The following CREB3L1 variants were observed in gnomAD, a reference collection of about 807,000 sequenced individuals.
CREB3L1 encodes the protein cyclic AMP-responsive element-binding protein 3-like protein 1.
Under a neutral mutation model 54.5 loss-of-function variants are expected in CREB3L1, and 33 were observed. The observed-to-expected ratio is 0.61, with a 90% CI of 0.46 to 0.81. CREB3L1 has a LOEUF of 0.81. Ranked by LOEUF, CREB3L1 falls within the 30% of genes least tolerant of loss-of-function variation. The pLI is 0.00. For missense variants in CREB3L1, 656 were observed against 673.3 expected (o/e 0.97, Z 0.29); for synonymous variants, 284 against 286.4 (o/e 0.99, Z 0.08).
At chr11:46,310,175 C>A in intron 4 of CREB3L1, 108 bp downstream of exon 4, 1 of 771,274 alleles carries the variant, frequency 1.3e-6, no homozygotes, top group Non-Finnish European at 2.2e-6. Context: ...TTCCCCCACC[C>A]AGAATATCCT....
intron 1 of CREB3L1, among the ~76,000 whole-genome samples, chr11:46,279,870 T>TC (rs1938940338): frequency 6.6e-6 from 1 of 152,200 alleles, no homozygotes; most frequent in Non-Finnish European, 1.5e-5. Flanking sequence ...GCCCGAAGCC[T>TC]CTTCCTGCTG....
intron 8 of CREB3L1, chr11:46,316,012 G>C: frequency 5.2e-6 from 2 of 388,024 alleles, no homozygotes; most frequent in Non-Finnish European, 9.4e-6. Context: ...TGTGCAGCTG[G>C]GGGCAGGCCT....
chr11:46,313,477 A>G (rs887577020), intron 8 of CREB3L1, among the ~76,000 whole-genome samples: 1 of 152,146 alleles, frequency 6.6e-6, no homozygotes, highest in Non-Finnish European at 1.5e-5. Flanking sequence ...ATTTGAGGTT[A>G]GGAGTTCGAG....
intron 2 of CREB3L1, among the ~76,000 whole-genome samples, chr11:46,303,869 G>A (rs1939336691): frequency 1.3e-5 from 2 of 152,058 alleles, no homozygotes; most frequent in South Asian, 2.1e-4. Context: ...AGCCAGGCAT[G>A]GTGGCACATG....
At chr11:46,318,961 A>G (rs1466669675) in intron 10 of CREB3L1, among the ~76,000 whole-genome samples, 1 of 152,100 alleles carries the variant, frequency 6.6e-6, no homozygotes, top group African/African-American at 2.4e-5. Flanking sequence ...GCTGAGGAGG[A>G]GAGAACGGGG....
intron 1 of CREB3L1, among the ~76,000 whole-genome samples, chr11:46,289,969 G>A (rs1441575237): frequency 6.6e-6 from 1 of 152,194 alleles, no homozygotes; most frequent in South Asian, 2.1e-4. Context: ...TGGGTGATCA[G>A]GGACTCTCCC....
chr11:46,316,312 T>C lies in CREB3L1; in HGVS notation c.1058T>C (p.Leu353Pro). 1 of 1,571,570 alleles carries C rather than the reference T, an allele frequency of 6.4e-7. No homozygotes were observed. Among genetic ancestry groups the C allele is most frequent in the Non-Finnish European group, 8.6e-7 (1 of 1,158,608 alleles). The change falls in exon 9 of 12, where the codon CTC becomes CCC. Residue 353 changes from leucine to proline, a missense_variant. Transcript: ENST00000621158. ...ACCCTGCTCCAGCAGCTGCAGAAAC[T>C]CCAGACTCTGGTCACCAACAAGATC... Reference protein sequence around the residue: ...NRTLLQQLQKLQTLVTNKISR... With the variant: ...NRTLLQQLQKPQTLVTNKISR...
In CREB3L1 at chr11:46,312,474, G is replaced by A. The variant is rs761047441; in HGVS notation, c.903G>A (p.Lys301=). The change falls in exon 6 of 12, where the codon AAG becomes AAA. Residue 301 remains lysine, a splice_region_variant and synonymous_variant. Coordinates refer to ENST00000621158, the MANE Select transcript of CREB3L1 (RefSeq NM_052854.4). ...LKRVRRKIKN[K]ISAQESRRKK... ...GAGTCCGGAGGAAAATCAAGAACAA[G>A]GTAAAGCCTGCCACCCTGGGGCTTC... 6.2e-7 allele frequency: 1 copy of A among 1,613,174 alleles called. No homozygotes were observed. The highest frequency in any genetic ancestry group is 8.5e-7 in the Non-Finnish European group (1 of 1,179,422).
At chr11:46,287,651 G>A (rs542810277) in intron 1 of CREB3L1, among the ~76,000 whole-genome samples, 2 of 152,188 alleles carry the variant, frequency 1.3e-5, no homozygotes, top group Admixed American at 6.6e-5. Flanking sequence ...TGGGGCACAT[G>A]AGATATTTTG....
At chr11:46,289,757 G>C (rs1182392476) in intron 1 of CREB3L1, among the ~76,000 whole-genome samples, 2 of 152,108 alleles carry the variant, frequency 1.3e-5, no homozygotes, top group East Asian at 1.9e-4. Context: ...GAAAATGAGG[G>C]GGCTCCAGCT....
At chr11:46,314,870 G>T (rs1454313994) in intron 8 of CREB3L1, among the ~76,000 whole-genome samples, 1 of 151,486 alleles carries the variant, frequency 6.6e-6, no homozygotes, top group African/African-American at 2.4e-5. Context: ...ACCACACCCG[G>T]CTAATTTTTG....
Position 46,320,854 on chromosome 11 carries a change from T to G in CREB3L1, c.*108T>G, listed in dbSNP as rs750332389. 1 of 1,226,000 alleles carries G rather than the reference T, an allele frequency of 8.2e-7. No homozygotes were observed. Among genetic ancestry groups the G allele is most frequent in the South Asian group, 1.3e-5 (1 of 77,662 alleles). 75.9% of individuals were successfully genotyped at this position (1,226,000 alleles called of 1,614,324 possible). A position where few individuals can be genotyped will look rare whatever the true frequency, so the allele number is the denominator to read the frequency against. ...GCCCCTGCCTCCTGGAGCTTCCCAT[T>G]CCAGGAGAAAAGGCTCCACTTCCCA... On this transcript the variant is annotated 3_prime_UTR_variant, in exon 12 of 12. Transcript: ENST00000621158.
intron 1 of CREB3L1, among the ~76,000 whole-genome samples, chr11:46,280,660 C>A (rs542933767): frequency 6.6e-6 from 1 of 152,102 alleles, no homozygotes; most frequent in African/African-American, 2.4e-5. Flanking sequence ...ACTGGATGGG[C>A]GTGATAGTGA....
At chr11:46,290,396 C>T (rs1939112864) in intron 1 of CREB3L1, among the ~76,000 whole-genome samples, 2 of 152,132 alleles carry the variant, frequency 1.3e-5, no homozygotes, top group South Asian at 2.1e-4. Context: ...CACACCAGCT[C>T]CTTGACCCTC....
chr11:46,315,185 T>C (rs1590351960), intron 8 of CREB3L1: 1 of 337,156 alleles, frequency 3.0e-6, no homozygotes, highest in South Asian at 2.7e-5. Context: ...TCCAGCGGGA[T>C]CCAGCCACTC....
At chr11:46,304,744 C>T (rs927902637) in intron 2 of CREB3L1, among the ~76,000 whole-genome samples, 5 of 151,954 alleles carry the variant, frequency 3.3e-5, no homozygotes, top group Non-Finnish European at 7.4e-5. Context: ...GGCTAGAGTA[C>T]GGTGTTGCAA....
rs1167950539 is a variant in CREB3L1 at position 46,320,786 on chromosome 11, C to T, written c.*40C>T. 24 of 1,601,564 alleles carry T rather than the reference C, an allele frequency of 1.5e-5. No homozygotes were observed. Among genetic ancestry groups the T allele is most frequent in the Non-Finnish European group, 2.0e-5 (24 of 1,173,218 alleles). ...CAGGACATAGGACGGACCCCTGGTA[C>T]CCAGAAGAGGAGTTCTTGCTCACTA... On this transcript the variant is annotated 3_prime_UTR_variant, in exon 12 of 12. Coordinates refer to ENST00000621158, the MANE Select transcript of CREB3L1 (RefSeq NM_052854.4).
chr11:46,312,556 C>T, intron 6 of CREB3L1, 56 bp from the exon 7 acceptor site: 1 of 1,607,036 alleles, frequency 6.2e-7, no homozygotes, highest in South Asian at 1.1e-5. Context: ...AATTGGGGGG[C>T]CCAGGAAGTG....
At chr11:46,300,230 T>G in intron 2 of CREB3L1, 67 bp downstream of exon 2, 1 of 1,274,614 alleles carries the variant, frequency 7.8e-7, no homozygotes, top group South Asian at 1.3e-5. Flanking sequence ...AGCTCTGGGG[T>G]GACAAGAGAG....
Sources: allele counts gnomAD v4.1 joint callset (sites outside exome capture counted in the v4.1 genomes callset), GRCh38; gene constraint gnomAD v4.1.1; transcripts MANE v1.5; gene names NCBI Gene and HGNC (gene_info 2026-07-23, HGNC 2026-07-21).